POU6F2: variants seen among roughly 807,000 people sequenced by gnomAD.
The protein encoded by POU6F2 is POU domain, class 6, transcription factor 2.
Under a neutral mutation model 71.3 loss-of-function variants are expected in POU6F2, and 31 were observed. The observed-to-expected ratio is 0.43, with a 90% confidence interval of 0.33 to 0.59. The LOEUF is 0.59. Ranked by LOEUF, POU6F2 falls within the 20% of genes least tolerant of loss-of-function variation. POU6F2 has a pLI of 0.04. For missense variants in POU6F2, 783 were observed against 856.8 expected (o/e 0.91, Z 1.07); for synonymous variants, 347 against 355.7 (o/e 0.98, Z 0.27).
At chr7:39,370,113 C>T (rs1452235139) in intron 5 of POU6F2, among the ~76,000 whole-genome samples, 4 of 152,106 alleles carry the variant, frequency 2.6e-5, no homozygotes, top group Admixed American at 6.5e-5. Flanking sequence ...TTGTGGTAGT[C>T]GGGAACCTAA....
At chr7:39,304,028 A>G (rs1181938660) in intron 4 of POU6F2, among the ~76,000 whole-genome samples, 1 of 152,224 alleles carries the variant, frequency 6.6e-6, no homozygotes, top group Admixed American at 6.5e-5. Flanking sequence ...ACTTTCAGTG[A>G]TTTTTATATC....
intron 2 of POU6F2, among the ~76,000 whole-genome samples, chr7:39,169,874 T>C (rs1298415928): frequency 6.6e-6 from 1 of 152,182 alleles, no homozygotes; most frequent in African/African-American, 2.4e-5. Context: ...ATCACATTTG[T>C]GATTATAAAA....
intron 2 of POU6F2, among the ~76,000 whole-genome samples, chr7:39,138,769 G>A (rs1396123263): frequency 6.6e-6 from 1 of 152,178 alleles, no homozygotes; most frequent in East Asian, 1.9e-4. Context: ...AACCACCCCT[G>A]CCCCCCAGGT....
intron 5 of POU6F2, among the ~76,000 whole-genome samples, chr7:39,387,888 G>C (rs1397727416): frequency 6.6e-6 from 1 of 151,998 alleles, no homozygotes. Context: ...TGATTCCTGA[G>C]GCCGCTCCTA....
chr7:39,257,133 GC>G (rs1269882950), intron 4 of POU6F2, among the ~76,000 whole-genome samples: 3 of 152,130 alleles, frequency 2.0e-5, no homozygotes, highest in Non-Finnish European at 2.9e-5. Flanking sequence ...AAGCTCACAA[GC>G]CGCATACATT....
At chr7:39,235,015 G>A (rs987956994) in intron 4 of POU6F2, among the ~76,000 whole-genome samples, 12 of 152,290 alleles carry the variant, frequency 7.9e-5, no homozygotes, top group African/African-American at 2.6e-4. Context: ...CAGTTTATGC[G>A]TTTGTAGCGC....
rs192316210 is a variant in POU6F2, at chr7:39,108,483, G to C, written c.277+22452G>C. Among the ~76,000 whole-genome samples, 598 of 152,110 alleles carry C rather than the reference G, an allele frequency of 3.9e-3. 5 individuals are homozygous for C. The highest frequency in any genetic ancestry group is 6.8e-3 in the Non-Finnish European group (465 of 68,010). ...AGACAGACCTGTGTCTCTCCCTAGG[G>C]GTCTACACCTCTGATCAGTGGCCCA... On this transcript the variant is annotated intron_variant, in intron 2 of 9. Coordinates refer to ENST00000518318, the MANE Select transcript of POU6F2 (RefSeq NM_001370959.1).
intron 1 of POU6F2, among the ~76,000 whole-genome samples, chr7:39,020,730 T>C (rs1334437069): frequency 6.6e-6 from 1 of 152,110 alleles, no homozygotes; most frequent in African/African-American, 2.4e-5. Context: ...TCTGCCAATT[T>C]CTCATCGTAT....
At chr7:39,319,848 C>G (rs1323515152) in intron 4 of POU6F2, among the ~76,000 whole-genome samples, 1 of 152,174 alleles carries the variant, frequency 6.6e-6, no homozygotes, top group Non-Finnish European at 1.5e-5. Context: ...TCACAGAACA[C>G]CAATAGCTCT....
chr7:39,334,300 G>A (rs1474007365), intron 4 of POU6F2, among the ~76,000 whole-genome samples: 1 of 151,900 alleles, frequency 6.6e-6, no homozygotes. Flanking sequence ...CAGAATTCTG[G>A]GTACACATGA....
At chr7:39,001,365 T>G (rs6945106) in intron 1 of POU6F2, among the ~76,000 whole-genome samples, 1 of 151,888 alleles carries the variant, frequency 6.6e-6, no homozygotes, top group African/African-American at 2.4e-5. Context: ...GGGTCAGGCA[T>G]CTATCCTGGG....
At chr7:39,153,185 G>T (rs1792795841) in intron 2 of POU6F2, among the ~76,000 whole-genome samples, 1 of 151,892 alleles carries the variant, frequency 6.6e-6, no homozygotes. Flanking sequence ...ATGGAGAAAA[G>T]ATTTTATATA....
At chr7:39,047,224 C>T (rs1790308934) in intron 1 of POU6F2, among the ~76,000 whole-genome samples, 1 of 151,644 alleles carries the variant, frequency 6.6e-6, no homozygotes, top group Non-Finnish European at 1.5e-5. Context: ...ATATATTGAT[C>T]AATTTGTCAT....
At chr7:39,307,279 CTCTT>C (rs1220252264) in intron 4 of POU6F2, among the ~76,000 whole-genome samples, 2 of 152,078 alleles carry the variant, frequency 1.3e-5, no homozygotes, top group Non-Finnish European at 2.9e-5. Flanking sequence ...TTTCGGAACT[CTCTT>C]TAAGAAAAAG....
intron 1 of POU6F2, among the ~76,000 whole-genome samples, chr7:39,030,509 T>TAA (rs1789913198): frequency 1.1e-5 from 1 of 90,408 alleles, no homozygotes; most frequent in Non-Finnish European, 2.2e-5. Flanking sequence ...ACTATATATA[T>TAA]ATATATATAT....
intron 1 of POU6F2, among the ~76,000 whole-genome samples, chr7:39,062,275 A>G (rs1375629512): frequency 6.6e-6 from 1 of 152,116 alleles, no homozygotes; most frequent in Non-Finnish European, 1.5e-5. Context: ...TATTACCATG[A>G]AAATAATTTT....
intron 7 of POU6F2, among the ~76,000 whole-genome samples, chr7:39,444,573 GAC>G (rs1201027025): frequency 1.3e-5 from 2 of 152,268 alleles, no homozygotes; most frequent in Admixed American, 1.3e-4. Flanking sequence ...TACAGCGTGA[GAC>G]ACTGTCTCAA....
chr7:39,299,321 A>C (rs541829203), intron 4 of POU6F2, among the ~76,000 whole-genome samples: 1 of 152,284 alleles, frequency 6.6e-6, no homozygotes, highest in African/African-American at 2.4e-5. Flanking sequence ...GAATAACCAG[A>C]CAGTCTTATC....
intron 2 of POU6F2, among the ~76,000 whole-genome samples, chr7:39,195,707 G>A (rs1293411405): frequency 2.0e-5 from 3 of 152,110 alleles, no homozygotes; most frequent in Non-Finnish European, 4.4e-5. Flanking sequence ...GGGAAGTCCT[G>A]TAGGTCTGTA....
Sources: allele counts gnomAD v4.1 joint callset (sites outside exome capture counted in the v4.1 genomes callset), GRCh38; gene constraint gnomAD v4.1.1; transcripts MANE v1.5; gene names NCBI Gene and HGNC (gene_info 2026-07-23, HGNC 2026-07-21).